Variants in LYPLAL1 observed in about 807,000 individuals in gnomAD.
LYPLAL1 encodes the protein lysophospholipase-like protein 1.
In LYPLAL1, 23 loss-of-function variants were observed where a neutral mutation model predicts 19.7. The ratio of observed to expected loss-of-function variants is 1.17; its 90% CI spans 0.84 to 1.65. The LOEUF (loss-of-function observed/expected upper bound fraction) is 1.65, where lower values mean the gene tolerates loss of function less well. Among genes scored for constraint, LYPLAL1 ranks in the 40% most tolerant of loss-of-function variants. The pLI, the probability that LYPLAL1 is intolerant of heterozygous loss-of-function variation, is 0.00. For synonymous variants in LYPLAL1, 119 were observed against 96.3 expected (o/e 1.24, Z -1.38); for missense variants, 355 against 279.4 (o/e 1.27, Z -1.93).
chr1:219,178,515 G>C (rs536688072), intron 1 of LYPLAL1, among the ~76,000 whole-genome samples: 10 of 151,974 alleles, frequency 6.6e-5, no homozygotes, highest in Non-Finnish European at 1.2e-4. Context: ...TCCATAAGAT[G>C]GACTTATATT....
chr1:219,380,706 A>G, the LYPLAL1 span, among the ~76,000 whole-genome samples: 1 of 152,220 alleles, frequency 6.6e-6, no homozygotes, highest in Non-Finnish European at 1.5e-5. Context: ...AAGAAGTCAA[A>G]AGGCAATATA....
At chr1:219,290,705 C>T in the LYPLAL1 span, among the ~76,000 whole-genome samples, 5 of 152,268 alleles carry the variant, frequency 3.3e-5, no homozygotes, top group South Asian at 2.1e-4. Flanking sequence ...TTAATAAACT[C>T]GCTTTCATTT....
chr1:219,255,169 A>G, the LYPLAL1 span, among the ~76,000 whole-genome samples: 1 of 151,770 alleles, frequency 6.6e-6, no homozygotes, highest in Non-Finnish European at 1.5e-5. Context: ...TTGTATTAAA[A>G]TTATGGATGA....
At chr1:219,379,133 C>T in the LYPLAL1 span, among the ~76,000 whole-genome samples, 2 of 152,120 alleles carry the variant, frequency 1.3e-5, no homozygotes, top group Admixed American at 1.3e-4. Context: ...ATAAGTATGT[C>T]TGCAACAAAT....
At chr1:219,260,632 A>G in the LYPLAL1 span, among the ~76,000 whole-genome samples, 1 of 148,540 alleles carries the variant, frequency 6.7e-6, no homozygotes, top group Non-Finnish European at 1.5e-5. Context: ...ATTAAATTTT[A>G]TATGTATATA....
chr1:219,436,940 G>C, the LYPLAL1 span: 1 of 152,182 alleles, frequency 6.6e-6, no homozygotes, highest in Non-Finnish European at 1.5e-5. Flanking sequence ...TTTAGTTTGA[G>C]ATTGGGAACT....
intron 3 of LYPLAL1, among the ~76,000 whole-genome samples, chr1:219,199,615 TTTTTTC>T (rs1657915343): frequency 6.6e-6 from 1 of 150,718 alleles, no homozygotes; most frequent in Admixed American, 6.6e-5. Context: ...GCTAATTTTT[TTTTTTC>T]TTTTTTTTTT....
chr1:219,307,228 C>T, the LYPLAL1 span, among the ~76,000 whole-genome samples: 1 of 152,020 alleles, frequency 6.6e-6, no homozygotes, highest in Non-Finnish European at 1.5e-5. Context: ...CTGCGTTTCC[C>T]GACTGTCTTG....
chr1:219,441,260 T>A, the LYPLAL1 span, among the ~76,000 whole-genome samples: 4 of 152,230 alleles, frequency 2.6e-5, no homozygotes, highest in Non-Finnish European at 5.9e-5. Context: ...ATCAGACATC[T>A]GTATACAGAC....
the LYPLAL1 span, among the ~76,000 whole-genome samples, chr1:219,326,575 G>GT: frequency 3.0e-4 from 45 of 152,218 alleles, no homozygotes; most frequent in African/African-American, 1.0e-3. Context: ...CTAAGGCCCC[G>GT]TATCAACAAG....
the LYPLAL1 span, among the ~76,000 whole-genome samples, chr1:219,221,349 G>C: frequency 8.5e-5 from 13 of 152,240 alleles, no homozygotes. Flanking sequence ...ATAGGTGGTG[G>C]AGAAGAAAAG....
the LYPLAL1 span, among the ~76,000 whole-genome samples, chr1:219,241,136 A>C: frequency 0.15 from 6,980 of 46,482 alleles, 208 homozygotes; most frequent in East Asian, 0.2. Context: ...CTCTCTCTCT[A>C]TATATATATA....
chr1:219,323,075 C>G, the LYPLAL1 span, among the ~76,000 whole-genome samples: 2 of 152,152 alleles, frequency 1.3e-5, no homozygotes, highest in African/African-American at 4.8e-5. Flanking sequence ...TTTAGCTAAA[C>G]AATTCAAGAC....
the LYPLAL1 span, among the ~76,000 whole-genome samples, chr1:219,228,385 A>C: frequency 6.7e-6 from 1 of 149,578 alleles, no homozygotes; most frequent in Non-Finnish European, 1.5e-5. Flanking sequence ...TAAAAGAAAG[A>C]AAAAAAAAGT....
In LYPLAL1 at chr1:219,174,250, C is replaced by G. The variant is rs538171561; in HGVS notation, c.91+269C>G. ...CCGCCGCTCAGCCAGCCCTCCATCC[C>G]CACAACACACCTCCCCATTCCTCGC... On this transcript the variant is annotated intron_variant, in intron 1 of 4. Coordinates refer to ENST00000366928, the MANE Select transcript of LYPLAL1 (RefSeq NM_138794.5). 17 of 1,364,200 alleles carry G rather than the reference C, an allele frequency of 1.2e-5. No homozygotes were observed. The East Asian group carries it at 4.7e-4, about 37-fold the overall frequency. The allele number at this position is 1,364,200 out of a possible 1,614,324, so 84.5% of individuals were successfully genotyped here. A position where few individuals can be genotyped will look rare whatever the true frequency, so the allele number is the denominator to read the frequency against.
At chr1:219,331,756 G>T in the LYPLAL1 span, among the ~76,000 whole-genome samples, 1 of 152,160 alleles carries the variant, frequency 6.6e-6, no homozygotes, top group African/African-American at 2.4e-5. Context: ...GTCAAGTAGG[G>T]TGAAAAGCAG....
the LYPLAL1 span, among the ~76,000 whole-genome samples, chr1:219,358,029 G>A: frequency 6.6e-6 from 1 of 152,118 alleles, no homozygotes; most frequent in Admixed American, 6.5e-5. Flanking sequence ...GTCCACACAG[G>A]AGACATTTTG....
chr1:219,409,125 C>CA, the LYPLAL1 span, among the ~76,000 whole-genome samples: 25 of 152,150 alleles, frequency 1.6e-4, no homozygotes, highest in African/African-American at 6.0e-4. Context: ...AGGAAGGAAA[C>CA]AATGTGAGCA....
the LYPLAL1 span, among the ~76,000 whole-genome samples, chr1:219,235,068 C>T: frequency 1.3e-4 from 20 of 152,082 alleles, no homozygotes; most frequent in Non-Finnish European, 2.2e-4. Flanking sequence ...CAAGATCTGT[C>T]ATTTGTTTAC....
Sources: gnomAD v4.1 joint callset for allele counts (sites outside exome capture counted in the v4.1 genomes callset) on GRCh38, gnomAD v4.1.1 for gene constraint, MANE v1.5 for transcripts, NCBI Gene and HGNC (gene_info 2026-07-23, HGNC 2026-07-21) for gene names.